Variants in FMN2 observed in about 807,000 individuals in gnomAD.
FMN2 encodes formin-2.
In FMN2, 51 loss-of-function variants were observed where a neutral mutation model predicts 142.3. The observed-to-expected ratio is 0.36, with a 90% confidence interval of 0.29 to 0.45. The LOEUF is 0.45. Among genes scored for constraint, FMN2 ranks in the 20% least tolerant of loss-of-function variants. The pLI is 1.00. For missense variants in FMN2, 1,936 were observed against 2,122.8 expected, an observed-to-expected ratio of 0.91 and a Z score of 1.73; for synonymous variants, 882 against 869.8, an observed-to-expected ratio of 1.01 and a Z score of -0.25.
chr1:240,329,678 A>G (rs1239207536), intron 10 of FMN2, among the ~76,000 whole-genome samples: 2 of 152,220 alleles, frequency 1.3e-5, no homozygotes, highest in East Asian at 3.8e-4. Context: ...CCACATTGCT[A>G]GAATGTGGCC....
At chr1:240,284,438 A>C (rs1669517345) in intron 7 of FMN2, among the ~76,000 whole-genome samples, 1 of 152,132 alleles carries the variant, frequency 6.6e-6, no homozygotes. Flanking sequence ...TAATAAACTC[A>C]AAGATATTGG....
At chr1:240,203,716 C>G (rs879610529) in intron 4 of FMN2, among the ~76,000 whole-genome samples, 1 of 152,076 alleles carries the variant, frequency 6.6e-6, no homozygotes, top group Non-Finnish European at 1.5e-5. Flanking sequence ...GGGCATAATA[C>G]CTAGGTGATG....
chr1:240,474,282 GT>G lies in FMN2; in HGVS notation c.*132del. The stretch of plus-strand genomic sequence containing the variant: ...TCTTGACCTCTTGCATAATCTTTTT[GT>G]TTTCTAGACAGTTCACTAATTGTTG... On this transcript the variant is annotated 3_prime_UTR_variant, in exon 18 of 18. Coordinates refer to ENST00000319653, the MANE Select transcript of FMN2 (RefSeq NM_020066.5). The G allele has an allele frequency of 1.2e-6, 1 of 859,038 alleles. No individual in the cohort carries two copies. Among genetic ancestry groups the G allele is most frequent in the East Asian group, 3.1e-5 (1 of 32,280 alleles). 53.2% of individuals were successfully genotyped at this position (859,038 alleles called of 1,614,324 possible).
At chr1:240,380,857 G>GA (rs995724105) in intron 14 of FMN2, among the ~76,000 whole-genome samples, 2 of 151,650 alleles carry the variant, frequency 1.3e-5, no homozygotes, top group South Asian at 2.1e-4. Context: ...ATTAACCAAG[G>GA]AAAAAAAGAT....
intron 7 of FMN2, among the ~76,000 whole-genome samples, chr1:240,261,392 G>T (rs1358916204): frequency 6.8e-5 from 10 of 148,110 alleles, no homozygotes; most frequent in Non-Finnish European, 8.9e-5. Flanking sequence ...CTCCAAGATT[G>T]TGCTTTTTTT....
intron 7 of FMN2, among the ~76,000 whole-genome samples, chr1:240,283,528 C>G (rs1669485858): frequency 6.6e-6 from 1 of 152,134 alleles, no homozygotes; most frequent in Non-Finnish European, 1.5e-5. Context: ...CCTGGAGGTT[C>G]AGCAATGACT....
chr1:240,294,798 T>C (rs1669911344), intron 7 of FMN2, 24 bp from the exon 8 acceptor site: 5 of 1,613,176 alleles, frequency 3.1e-6, no homozygotes, highest in Non-Finnish European at 4.2e-6. Flanking sequence ...TATGGCAATT[T>C]ATATTCTTCT....
intron 7 of FMN2, among the ~76,000 whole-genome samples, chr1:240,278,177 T>A (rs1669281078): frequency 6.6e-6 from 1 of 152,170 alleles, no homozygotes; most frequent in African/African-American, 2.4e-5. Flanking sequence ...AAACAGGCAT[T>A]TGGGGCTCCT....
chr1:240,178,186 A>C, intron 3 of FMN2, 118 bp downstream of exon 3: 1 of 1,212,110 alleles, frequency 8.3e-7, no homozygotes, highest in South Asian at 2.6e-5. Context: ...ATTCAGATAT[A>C]ATCTTCAAAA....
intron 4 of FMN2, among the ~76,000 whole-genome samples, chr1:240,202,993 AG>A (rs1295067405): frequency 1.3e-5 from 2 of 152,208 alleles, no homozygotes; most frequent in Non-Finnish European, 2.9e-5. Flanking sequence ...GTTATGTACC[AG>A]CATAACTCAA....
chr1:240,212,941 G>GT (rs919379345), intron 6 of FMN2, among the ~76,000 whole-genome samples: 2 of 151,900 alleles, frequency 1.3e-5, no homozygotes, highest in African/African-American at 4.8e-5. Flanking sequence ...GTTTTTTTGT[G>GT]TTTTTTTGTT....
chr1:240,427,361 G>A (rs866106557), intron 15 of FMN2, among the ~76,000 whole-genome samples: 23 of 151,728 alleles, frequency 1.5e-4, no homozygotes, highest in South Asian at 4.2e-4. Flanking sequence ...GCCCGCCACC[G>A]CGCCCAGCTA....
intron 4 of FMN2, among the ~76,000 whole-genome samples, chr1:240,192,523 A>G (rs1460067624): frequency 6.6e-6 from 1 of 152,228 alleles, no homozygotes; most frequent in East Asian, 1.9e-4. Flanking sequence ...CAACAAAACA[A>G]TAACCCACAA....
chr1:240,361,148 T>C (rs12081209), intron 14 of FMN2, among the ~76,000 whole-genome samples: 11 of 14,780 alleles, frequency 7.4e-4, no homozygotes, highest in Non-Finnish European at 1.2e-3. Context: ...TGTGTATATA[T>C]ATATATATAT....
intron 7 of FMN2, among the ~76,000 whole-genome samples, chr1:240,267,851 G>T (rs1668870615): frequency 6.6e-6 from 1 of 151,916 alleles, no homozygotes; most frequent in Non-Finnish European, 1.5e-5. Context: ...ATGGGTAAAA[G>T]GTGTGAACAC....
chr1:240,360,785 G>GTGTAT (rs1406203554), intron 14 of FMN2, among the ~76,000 whole-genome samples: 4 of 152,124 alleles, frequency 2.6e-5, no homozygotes, highest in Admixed American at 1.3e-4. Context: ...GGAATACTAT[G>GTGTAT]CAGCCATAAA....
At chr1:240,330,812 G>T in intron 11 of FMN2, 63 bp downstream of exon 11, 8 of 1,556,590 alleles carry the variant, frequency 5.1e-6, no homozygotes, top group Non-Finnish European at 6.9e-6. Context: ...TTAGTAATGG[G>T]TTTGAATGTA....
chr1:240,182,943 G>T (rs57718586), intron 3 of FMN2, among the ~76,000 whole-genome samples: 11,988 of 149,950 alleles, frequency 0.08, 542 homozygotes, highest in African/African-American at 0.12. Flanking sequence ...TTGAGACAGG[G>T]TTTAACTCTG....
At chr1:240,205,617 AC>A in intron 4 of FMN2, among the ~76,000 whole-genome samples, 1 of 151,050 alleles carries the variant, frequency 6.6e-6, no homozygotes, top group South Asian at 2.1e-4. Context: ...ACCCGCCACC[AC>A]GCCCGGCTAA....
Sources: gnomAD v4.1 joint callset for allele counts (sites outside exome capture counted in the v4.1 genomes callset) on GRCh38, gnomAD v4.1.1 for gene constraint, MANE v1.5 for transcripts, NCBI Gene and HGNC (gene_info 2026-07-23, HGNC 2026-07-21) for gene names.